The following NAALADL2 variants were observed in gnomAD, a reference collection of about 807,000 sequenced individuals.
The protein encoded by NAALADL2 is inactive N-acetylated-alpha-linked acidic dipeptidase-like protein 2.
In NAALADL2, 76 loss-of-function variants were observed where a neutral mutation model predicts 87.2. The observed-to-expected ratio is 0.87, with a 90% CI of 0.72 to 1.05. The LOEUF (loss-of-function observed/expected upper bound fraction) is 1.05. Ranked by LOEUF, NAALADL2 falls within the 50% of genes least tolerant of loss-of-function variation. The probability of loss-of-function intolerance (pLI) is 0.00; values close to 1 mark genes in which losing one functional copy is unlikely to be tolerated. For missense variants in NAALADL2, 1,089 were observed against 945.8 expected (o/e 1.15, Z -1.99); for synonymous variants, 354 against 331.0 (o/e 1.07, Z -0.75).
intron 1 of NAALADL2, among the ~76,000 whole-genome samples, chr3:174,953,297 T>TCCTCTCCCCCCCCC (rs1740651836): frequency 1.0e-4 from 6 of 59,318 alleles, no homozygotes; most frequent in Admixed American, 2.5e-4. Flanking sequence ...CTTTCTTGCC[T>TCCTCTCCCCCCCCC]CCCCTCCCCT....
intron 6 of NAALADL2, among the ~76,000 whole-genome samples, chr3:175,452,526 A>G (rs1371572373): frequency 6.6e-6 from 1 of 152,120 alleles, no homozygotes; most frequent in Non-Finnish European, 1.5e-5. Context: ...AAATGGGGAA[A>G]ATTTTAATTT....
chr3:175,680,956 A>T (rs1294547509), intron 11 of NAALADL2, among the ~76,000 whole-genome samples: 1 of 152,034 alleles, frequency 6.6e-6, no homozygotes, highest in Non-Finnish European at 1.5e-5. Context: ...CTACTAACAT[A>T]CAAAAAATTA....
chr3:174,531,009 A>G (rs754446800), intron 1 of NAALADL2, among the ~76,000 whole-genome samples: 3 of 152,238 alleles, frequency 2.0e-5, no homozygotes, highest in Non-Finnish European at 2.9e-5. Context: ...CCTACAGTTC[A>G]TATGACTTCT....
At chr3:175,421,002 TATA>T (rs1247230744) in intron 5 of NAALADL2, among the ~76,000 whole-genome samples, 1 of 152,068 alleles carries the variant, frequency 6.6e-6, no homozygotes, top group African/African-American at 2.4e-5. Context: ...AATTAGAAGT[TATA>T]ATATATTTCT....
chr3:175,271,900 A>G (rs1187064400), intron 4 of NAALADL2, among the ~76,000 whole-genome samples: 1 of 152,188 alleles, frequency 6.6e-6, no homozygotes, highest in Non-Finnish European at 1.5e-5. Flanking sequence ...ATACTGGAAA[A>G]ACTTCCAAAG....
chr3:174,726,287 A>G (rs767748687), intron 2 of NAALADL2, among the ~76,000 whole-genome samples: 2 of 152,132 alleles, frequency 1.3e-5, no homozygotes, highest in Non-Finnish European at 2.9e-5. Context: ...GGGTTGCCCA[A>G]TCTATTGGCA....
At chr3:175,265,688 C>T (rs1751808885) in intron 4 of NAALADL2, among the ~76,000 whole-genome samples, 1 of 151,420 alleles carries the variant, frequency 6.6e-6, no homozygotes. Flanking sequence ...AAATACTTCT[C>T]CCTAAAACTT....
intron 1 of NAALADL2, among the ~76,000 whole-genome samples, chr3:175,050,448 G>A (rs1467384946): frequency 6.6e-6 from 1 of 152,098 alleles, no homozygotes; most frequent in Non-Finnish European, 1.5e-5. Flanking sequence ...TTTTAGTAGA[G>A]ACAGGGTTTT....
chr3:175,567,506 G>A (rs192627263), intron 9 of NAALADL2, among the ~76,000 whole-genome samples: 162 of 152,026 alleles, frequency 1.1e-3, no homozygotes, highest in African/African-American at 3.7e-3. Context: ...GATTAAGGTC[G>A]TATAAATTAA....
chr3:175,441,072 A>G (rs1262879154), intron 5 of NAALADL2, among the ~76,000 whole-genome samples: 2 of 151,844 alleles, frequency 1.3e-5, no homozygotes, highest in African/African-American at 4.8e-5. Flanking sequence ...TTTTCTTTTT[A>G]TGTATTAGTC....
chr3:175,032,224 G>A (rs1752877707), intron 1 of NAALADL2, among the ~76,000 whole-genome samples: 1 of 151,710 alleles, frequency 6.6e-6, no homozygotes, highest in South Asian at 2.1e-4. Context: ...TAGTTTTCTT[G>A]TAGGATTTTT....
At position 174,623,842 on chromosome 3, in the gene NAALADL2, A is replaced by G. The variant is rs144268075; in HGVS notation, c.-115+73205A>G. Among the ~76,000 whole-genome samples, 159 of 152,250 alleles carry G rather than the reference A, an allele frequency of 1.0e-3. 5 individuals are homozygous for G. In the Middle Eastern group the frequency reaches 0.02, roughly 20 times the overall value. ...AATGGATTTTTACAGAAGGTGATAC[A>G]GAATCTCCTTCTACCATGTAAATAG... On this transcript the variant is annotated intron_variant, in intron 2 of 3. Coordinates refer to the NAALADL2 transcript ENST00000434257.
At chr3:174,799,746 G>A (rs981057209) in intron 3 of NAALADL2, among the ~76,000 whole-genome samples, 1 of 152,160 alleles carries the variant, frequency 6.6e-6, no homozygotes, top group African/African-American at 2.4e-5. Context: ...AGTTTGGAGG[G>A]CTGAGAAGAA....
intron 2 of NAALADL2, among the ~76,000 whole-genome samples, chr3:174,724,354 G>T (rs1040369648): frequency 1.3e-5 from 2 of 152,080 alleles, no homozygotes; most frequent in Non-Finnish European, 2.9e-5. Context: ...TTTTGAAATA[G>T]ACTTCATGTT....
chr3:175,645,350 A>T (rs1173687098), intron 11 of NAALADL2, among the ~76,000 whole-genome samples: 1 of 152,164 alleles, frequency 6.6e-6, no homozygotes, highest in African/African-American at 2.4e-5. Context: ...ACAAAAGAGG[A>T]ATGACTATCT....
At chr3:175,202,457 C>T (rs115569316) in intron 2 of NAALADL2, among the ~76,000 whole-genome samples, 1,695 of 152,290 alleles carry the variant, frequency 0.011, 27 homozygotes, top group African/African-American at 0.038. Context: ...TAACATGCTG[C>T]ATTGTAATGA....
In NAALADL2 at chr3:174,659,683, A is replaced by G. The variant is rs146956550; in HGVS notation, c.-114-77958A>G. Among the ~76,000 whole-genome samples, 946 of 152,272 alleles carry G rather than the reference A, an allele frequency of 6.2e-3. 12 individuals carry two copies. The highest frequency in any genetic ancestry group is 0.022 in the African/African-American group (895 of 41,548). Reference sequence around the variant, plus strand: ...GTGGGAGGCATAAGCCAGTGTGGAGAGTGAAAGGGAAGATAAGTCAGGTTA... The same window carrying G: ...GTGGGAGGCATAAGCCAGTGTGGAGGGTGAAAGGGAAGATAAGTCAGGTTA... On this transcript the variant is annotated intron_variant, in intron 2 of 3. Transcript: ENST00000434257.
chr3:175,447,351 T>A lies in NAALADL2; in HGVS notation c.1213T>A (p.Ser405Thr). 6.3e-7 allele frequency: 1 copy of A among 1,576,108 alleles called. No individual in the cohort carries two copies. The highest frequency in any genetic ancestry group is 8.6e-7 in the Non-Finnish European group (1 of 1,164,156). The change falls in exon 6 of 14, where the codon TCT becomes ACT. Residue 405 changes from serine to threonine, a missense_variant. Coordinates refer to ENST00000454872, the MANE Select transcript of NAALADL2 (RefSeq NM_207015.3). ...KARTKNEACS[S>T]LELPNNEIRV... The stretch of plus-strand genomic sequence containing the variant: ...TAGAACCAAAAATGAAGCGTGTAGC[T>A]CTCTAGAGCTTCCAAATAATGGTAA...
At chr3:175,534,037 T>TAAATAAATTATTTATTTATTTATA (rs1356333947) in intron 9 of NAALADL2, among the ~76,000 whole-genome samples, 1 of 149,706 alleles carries the variant, frequency 6.7e-6, no homozygotes, top group Non-Finnish European at 1.5e-5. Flanking sequence ...ATTTATTTAT[T>TAAATAAATTATTTATTTATTTATA]ATAAATAAAT....
Sources: allele counts gnomAD v4.1 joint callset (sites outside exome capture counted in the v4.1 genomes callset), GRCh38; gene constraint gnomAD v4.1.1; transcripts MANE v1.5; gene names NCBI Gene and HGNC (gene_info 2026-07-23, HGNC 2026-07-21).